SDCCAG8: variants seen among roughly 807,000 people sequenced by gnomAD.
SDCCAG8 encodes serologically defined colon cancer antigen 8.
A neutral mutation model predicts 101.8 loss-of-function variants in SDCCAG8; 74 were observed. The ratio of observed to expected loss-of-function variants is 0.73; its 90% CI spans 0.60 to 0.88. The LOEUF (loss-of-function observed/expected upper bound fraction) is 0.88. Ranked by LOEUF, SDCCAG8 falls within the 40% of genes least tolerant of loss-of-function variation. The pLI, the probability that SDCCAG8 is intolerant of heterozygous loss-of-function variation, is 0.00. For missense variants in SDCCAG8, 787 were observed against 822.6 expected, an observed-to-expected ratio of 0.96 and a Z score of 0.53; for synonymous variants, 281 against 292.9, an observed-to-expected ratio of 0.96 and a Z score of 0.41.
At chr1:243,373,476 C>A (rs1348085868) in intron 12 of SDCCAG8, among the ~76,000 whole-genome samples, 2 of 152,066 alleles carry the variant, frequency 1.3e-5, no homozygotes, top group Non-Finnish European at 2.9e-5. Flanking sequence ...TACGCTTTGG[C>A]TGATCTGTGC....
In SDCCAG8 at chr1:243,426,421, C is replaced by T. The variant is rs951967006; in HGVS notation, c.1854-6C>T. 6.2e-7 allele frequency: 1 copy of T among 1,611,692 alleles called. No individual in the cohort carries two copies. The highest frequency in any genetic ancestry group is 1.1e-5 in the South Asian group (1 of 90,882). ...ACATCTATTATTTTTGTGTTTTCAC[C>T]TCTAGATCTGAAATAGCTCAACTCA... On this transcript the variant is annotated splice_region_variant and splice_polypyrimidine_tract_variant and intron_variant, in intron 15 of 17. Coordinates refer to ENST00000366541, the MANE Select transcript of SDCCAG8 (RefSeq NM_006642.5).
intron 17 of SDCCAG8, among the ~76,000 whole-genome samples, chr1:243,495,897 C>T (rs1057110099): frequency 6.6e-6 from 1 of 152,126 alleles, no homozygotes; most frequent in Non-Finnish European, 1.5e-5. Flanking sequence ...AGGAGAGCCT[C>T]GCATGGGAGA....
At chr1:243,361,253 C>A (rs1015545931) in intron 12 of SDCCAG8, among the ~76,000 whole-genome samples, 2 of 152,196 alleles carry the variant, frequency 1.3e-5, no homozygotes, top group Non-Finnish European at 2.9e-5. Flanking sequence ...TCGCTGAAAT[C>A]ATCTGTGTGA....
At chr1:243,257,993 T>C (rs561179296) in intron 1 of SDCCAG8, among the ~76,000 whole-genome samples, 4 of 152,236 alleles carry the variant, frequency 2.6e-5, no homozygotes, top group South Asian at 2.1e-4. Context: ...AAGGGGTTCA[T>C]TTTAAATTAA....
intron 4 of SDCCAG8, among the ~76,000 whole-genome samples, chr1:243,282,907 C>A (rs1050788257): frequency 6.6e-6 from 1 of 151,998 alleles, no homozygotes; most frequent in Non-Finnish European, 1.5e-5. Flanking sequence ...AGTGCAGTGG[C>A]GAGGTCTTGG....
chr1:243,417,960 A>T lies in SDCCAG8; in HGVS notation c.1745-8A>T, dbSNP rs971078363. ...CTTATGTTGGTGGGGGTTTATTGTT[A>T]TTTCTAGAAAATGAACAGTATTTGT... is the stretch of plus-strand genomic sequence containing the variant. On this transcript the variant is annotated splice_polypyrimidine_tract_variant and splice_region_variant and intron_variant, in intron 14 of 17. Coordinates refer to ENST00000366541, the MANE Select transcript of SDCCAG8 (RefSeq NM_006642.5). The T allele has an allele frequency of 5.7e-6, 9 of 1,586,048 alleles. No homozygotes were observed. Among genetic ancestry groups the T allele is most frequent in the African/African-American group, 2.7e-5 (2 of 74,298 alleles).
At chr1:243,330,508 ACCT>A in intron 9 of SDCCAG8, 29 bp from the exon 10 acceptor site, 1 of 1,613,590 alleles carries the variant, frequency 6.2e-7, no homozygotes, top group South Asian at 1.1e-5. Context: ...CCAAATTCTA[ACCT>A]CCTCTTTCAA....
At chr1:243,267,751 G>A (rs879205398) in intron 1 of SDCCAG8, 15 of 801,772 alleles carry the variant, frequency 1.9e-5, no homozygotes, top group Non-Finnish European at 3.0e-5. Flanking sequence ...GATCCTTGGC[G>A]ATCCTTAGAG....
At chr1:243,414,464 C>A (rs764101321) in intron 13 of SDCCAG8, among the ~76,000 whole-genome samples, 6 of 152,070 alleles carry the variant, frequency 3.9e-5, no homozygotes, top group Non-Finnish European at 7.4e-5. Flanking sequence ...CCAGACAGGA[C>A]CTTATTTCAC....
intron 16 of SDCCAG8, among the ~76,000 whole-genome samples, chr1:243,452,986 G>C (rs533203249): frequency 6.6e-6 from 1 of 152,308 alleles, no homozygotes; most frequent in African/African-American, 2.4e-5. Context: ...CATCCGTCTT[G>C]TTCATCACTG....
intron 16 of SDCCAG8, among the ~76,000 whole-genome samples, chr1:243,464,439 GT>G (rs1291971314): frequency 6.6e-6 from 1 of 152,140 alleles, no homozygotes; most frequent in African/African-American, 2.4e-5. Flanking sequence ...CCAGTTAATA[GT>G]TTTCTGTAAC....
intron 17 of SDCCAG8, among the ~76,000 whole-genome samples, chr1:243,498,740 A>AAATT (rs1668697977): frequency 6.6e-6 from 1 of 152,354 alleles, no homozygotes; most frequent in East Asian, 1.9e-4. Context: ...ATGATGGCTT[A>AAATT]AATTAGGTTG....
chr1:243,472,746 G>T (rs1289767054), intron 16 of SDCCAG8, among the ~76,000 whole-genome samples: 1 of 152,208 alleles, frequency 6.6e-6, no homozygotes, highest in Admixed American at 6.5e-5. Flanking sequence ...ACTCCAGCAG[G>T]AGAACAGGAC....
intron 16 of SDCCAG8, among the ~76,000 whole-genome samples, chr1:243,427,896 G>T (rs192963525): frequency 1.3e-4 from 20 of 152,294 alleles, no homozygotes; most frequent in Non-Finnish European, 2.5e-4. Context: ...GGGCCAGAGA[G>T]TAAATATTTC....
At chr1:243,413,699 TTA>T (rs1238417807) in intron 13 of SDCCAG8, among the ~76,000 whole-genome samples, 1 of 152,156 alleles carries the variant, frequency 6.6e-6, no homozygotes, top group Admixed American at 6.6e-5. Flanking sequence ...GAGAATGCAT[TTA>T]TGTCACCCAA....
At position 243,457,362 on chromosome 1, in the gene SDCCAG8, C is replaced by A. The variant is rs1343821758; in HGVS notation, c.1985+30804C>A. ...TTAATCATCGGTTTTAGATCCAAAGCATCATTCTTTCTGTTTAAAGTGGTC... is the reference window on the plus strand; with the variant it reads ...TTAATCATCGGTTTTAGATCCAAAGAATCATTCTTTCTGTTTAAAGTGGTC... On this transcript the variant is annotated intron_variant, in intron 16 of 17. Transcript: ENST00000366541. 2.0e-5 allele frequency among the ~76,000 whole-genome samples: 3 copies of A among 152,246 alleles called. No individual in the cohort carries two copies. The East Asian group carries it at 5.8e-4, about 29-fold the overall frequency.
intron 1 of SDCCAG8, among the ~76,000 whole-genome samples, chr1:243,268,534 A>G (rs942776863): frequency 6.6e-5 from 10 of 152,232 alleles, no homozygotes; most frequent in African/African-American, 2.4e-4. Context: ...GGAGAAAAAT[A>G]TGGTGATAAA....
intron 13 of SDCCAG8, among the ~76,000 whole-genome samples, chr1:243,401,896 C>T (rs868434605): frequency 6.6e-6 from 1 of 152,112 alleles, no homozygotes; most frequent in Non-Finnish European, 1.5e-5. Flanking sequence ...TAAAAAAGGT[C>T]ATTTTAATAG....
Position 243,271,082 on chromosome 1 carries a change from A to G in SDCCAG8, c.306+19A>G, listed in dbSNP as rs1348094100. On this transcript the variant is annotated intron_variant, in intron 3 of 17. Coordinates refer to ENST00000366541, the MANE Select transcript of SDCCAG8 (RefSeq NM_006642.5). The stretch of plus-strand genomic sequence containing the variant: ...CCCCTTGGTAAGTATCAACTTTTCC[A>G]AGTTGACAAAGCATTCCTGTGTTTT... 1 of 1,521,024 alleles carries G rather than the reference A, an allele frequency of 6.6e-7. No individual in the cohort carries two copies. Among genetic ancestry groups the G allele is most frequent in the Middle Eastern group, 1.7e-4 (1 of 5,896 alleles). The allele number at this position is 1,521,024 out of a possible 1,614,324, so 94.2% of individuals were successfully genotyped here.
Sources: allele counts gnomAD v4.1 joint callset (sites outside exome capture counted in the v4.1 genomes callset), GRCh38; gene constraint gnomAD v4.1.1; transcripts MANE v1.5; gene names NCBI Gene and HGNC (gene_info 2026-07-23, HGNC 2026-07-21).